Variants in NFIB observed in about 807,000 individuals in gnomAD.
NFIB encodes the protein nuclear factor 1 B-type.
A neutral mutation model predicts 61.5 loss-of-function variants in NFIB; 11 were observed. That is an observed-to-expected ratio of 0.18 (90% confidence interval 0.11 to 0.30). NFIB has a LOEUF of 0.30. Ranked by LOEUF, NFIB falls within the 10% of genes least tolerant of loss-of-function variation. NFIB has a pLI of 1.00. For missense variants in NFIB, 471 were observed against 608.9 expected (o/e 0.77, Z 2.38); for synonymous variants, 260 against 216.5 (o/e 1.20, Z -1.76).
intron 7 of NFIB, among the ~76,000 whole-genome samples, chr9:14,123,926 T>C (rs1428262125): frequency 6.6e-6 from 1 of 152,164 alleles, no homozygotes; most frequent in Non-Finnish European, 1.5e-5. Context: ...CTTCTTGTGG[T>C]GAACTTTGCC....
intron 1 of NFIB, chr9:14,322,062 T>C (rs1018947819): frequency 2.5e-6 from 3 of 1,207,354 alleles, no homozygotes; most frequent in Middle Eastern, 3.1e-4. Context: ...TTGGTGTCGC[T>C]TTTTGTGTTT....
chr9:14,464,309 T>A, the NFIB span, among the ~76,000 whole-genome samples: 1 of 152,166 alleles, frequency 6.6e-6, no homozygotes, highest in Non-Finnish European at 1.5e-5. Context: ...GTGCAGGTAA[T>A]GAAGGAGGTA....
chr9:14,376,076 G>T (rs984487959), intron 1 of NFIB, among the ~76,000 whole-genome samples: 5 of 152,168 alleles, frequency 3.3e-5, no homozygotes, highest in Non-Finnish European at 7.3e-5. Context: ...AAAGAGATGG[G>T]TCTTGCTAAG....
At chr9:14,241,840 G>A (rs930143740) in intron 2 of NFIB, among the ~76,000 whole-genome samples, 1 of 152,092 alleles carries the variant, frequency 6.6e-6, no homozygotes, top group Non-Finnish European at 1.5e-5. Flanking sequence ...ATCAAAGAAA[G>A]CCAATTGTAT....
the NFIB span, among the ~76,000 whole-genome samples, chr9:14,415,256 C>T: frequency 6.6e-6 from 1 of 152,322 alleles, no homozygotes; most frequent in Non-Finnish European, 1.5e-5. Flanking sequence ...TTGCTTGCCA[C>T]ATGGACTTTC....
the NFIB span, among the ~76,000 whole-genome samples, chr9:14,468,691 G>C: frequency 1.3e-5 from 2 of 152,218 alleles, no homozygotes; most frequent in African/African-American, 4.8e-5. Context: ...TGGAGATACA[G>C]TGGATGTATA....
intron 2 of NFIB, among the ~76,000 whole-genome samples, chr9:14,211,101 A>C (rs2131724005): frequency 6.6e-6 from 1 of 152,354 alleles, no homozygotes; most frequent in South Asian, 2.1e-4. Flanking sequence ...TACAATGTTA[A>C]GTATCACTGC....
rs2032413821 is a variant in NFIB at position 14,083,783 on chromosome 9, C to T, written c.*4526G>A. On this transcript the variant is annotated 3_prime_UTR_variant, in exon 11 of 11. Coordinates refer to ENST00000380953, the MANE Select transcript of NFIB (RefSeq NM_001190737.2). ...GAAGATGTCCCTGTGCAATCTCTTT[C>T]GTTGAGTCCTTATGAAGCTACAAGT... 3 of 226,142 alleles carry T rather than the reference C, an allele frequency of 1.3e-5. No individual in the cohort carries two copies. The East Asian group carries it at 1.9e-4, about 14-fold the overall frequency. The allele number at this position is 226,142 out of a possible 1,614,324, so 14.0% of individuals were successfully genotyped here. A position where few individuals can be genotyped will look rare whatever the true frequency, so the allele number is the denominator to read the frequency against.
At chr9:14,166,514 C>A (rs1045249638) in intron 3 of NFIB, among the ~76,000 whole-genome samples, 2 of 152,136 alleles carry the variant, frequency 1.3e-5, no homozygotes, top group African/African-American at 4.8e-5. Context: ...TCTTCATCCA[C>A]GAAATGTAAA....
chr9:14,474,991 G>T, the NFIB span, among the ~76,000 whole-genome samples: 2 of 152,282 alleles, frequency 1.3e-5, no homozygotes, highest in Admixed American at 6.5e-5. Flanking sequence ...CAGTGAGGGT[G>T]ATCTTCTTTA....
chr9:14,478,508 A>G, the NFIB span, among the ~76,000 whole-genome samples: 19 of 152,332 alleles, frequency 1.2e-4, no homozygotes, highest in Admixed American at 4.6e-4. Flanking sequence ...TTGTATAAAA[A>G]TGGGAAAAAT....
chr9:14,133,612 T>G (rs1442840904), intron 6 of NFIB, among the ~76,000 whole-genome samples: 2 of 152,172 alleles, frequency 1.3e-5, no homozygotes, highest in Non-Finnish European at 2.9e-5. Flanking sequence ...GCAGAGAAGA[T>G]GACTGCCAAC....
chr9:14,171,299 G>A (rs148536675), intron 3 of NFIB, among the ~76,000 whole-genome samples: 1 of 152,132 alleles, frequency 6.6e-6, no homozygotes, highest in Admixed American at 6.5e-5. Context: ...TCCTCGGCTA[G>A]GACTATATCC....
the NFIB span, among the ~76,000 whole-genome samples, chr9:14,477,733 T>C: frequency 6.6e-6 from 1 of 152,234 alleles, no homozygotes; most frequent in Non-Finnish European, 1.5e-5. Flanking sequence ...TACTTCATAA[T>C]CCATATAATG....
the NFIB span, among the ~76,000 whole-genome samples, chr9:14,476,537 T>A: frequency 8.5e-5 from 13 of 152,352 alleles, no homozygotes; most frequent in African/African-American, 2.9e-4. Flanking sequence ...CCCCATACAC[T>A]ATTCTGTATA....
chr9:14,328,897 A>G (rs1327644270), intron 1 of NFIB, among the ~76,000 whole-genome samples: 1 of 152,196 alleles, frequency 6.6e-6, no homozygotes, highest in Non-Finnish European at 1.5e-5. Context: ...TACTGTTAAC[A>G]TTTAAAACTT....
At chr9:14,266,150 C>G (rs1462123666) in intron 2 of NFIB, among the ~76,000 whole-genome samples, 1 of 152,188 alleles carries the variant, frequency 6.6e-6, no homozygotes, top group East Asian at 1.9e-4. Context: ...AAGAAGCAAT[C>G]CCTTCCTTGA....
At position 14,157,992 on chromosome 9, in the gene NFIB, T is replaced by A. The variant is rs543877995; in HGVS notation, c.617-2099A>T. Among the ~76,000 whole-genome samples the A allele has an allele frequency of 1.8e-4, 28 of 151,532 alleles. 1 individual carries two copies. In the South Asian group the frequency reaches 5.6e-3, roughly 31 times the overall value. ...CGGGCATGGTGGCGGGCACCTGTAG[T>A]CTCAGCTACTCGGGAGGCCGAGGCA... On this transcript the variant is annotated intron_variant, in intron 3 of 10. Coordinates refer to ENST00000380953, the MANE Select transcript of NFIB (RefSeq NM_001190737.2).
At chr9:14,358,067 G>T (rs1349100829) in intron 1 of NFIB, among the ~76,000 whole-genome samples, 1 of 152,090 alleles carries the variant, frequency 6.6e-6, no homozygotes, top group Non-Finnish European at 1.5e-5. Flanking sequence ...AAAATTAATT[G>T]TAGTGATGGT....
Sources: gnomAD v4.1 joint callset for allele counts (sites outside exome capture counted in the v4.1 genomes callset) on GRCh38, gnomAD v4.1.1 for gene constraint, MANE v1.5 for transcripts, NCBI Gene and HGNC (gene_info 2026-07-23, HGNC 2026-07-21) for gene names.